SLC35F1: variants seen among roughly 807,000 people sequenced by gnomAD.
SLC35F1 encodes chromosome 6 open reading frame 169.
In SLC35F1, 14 loss-of-function variants were observed where a neutral mutation model predicts 48.7. The observed-to-expected ratio is 0.29, with a 90% CI of 0.19 to 0.45. SLC35F1 has a LOEUF of 0.45. Among genes scored for constraint, SLC35F1 ranks in the 20% least tolerant of loss-of-function variants. The pLI is 1.00. For synonymous variants in SLC35F1, 190 were observed against 202.2 expected (o/e 0.94, Z 0.51); for missense variants, 404 against 500.0 (o/e 0.81, Z 1.83).
chr6:118,168,073 G>C (rs189761886), intron 2 of SLC35F1, among the ~76,000 whole-genome samples: 1 of 152,076 alleles, frequency 6.6e-6, no homozygotes, highest in Non-Finnish European at 1.5e-5. Flanking sequence ...GGGATTTTGC[G>C]CAAAGGGACC....
rs1776536310 is a variant in SLC35F1, at chr6:117,964,546, T to C, written c.173+56647T>C. Among the ~76,000 whole-genome samples the C allele has an allele frequency of 2.6e-5, 4 of 152,338 alleles. No individual in the cohort carries two copies. The South Asian group carries it at 8.3e-4, about 32-fold the overall frequency. ...GAGAGGGTGATGTTTCATCATGTAA[T>C]TGAGTGAGGCCTAGGCCTCTCCTTT... On this transcript the variant is annotated intron_variant, in intron 1 of 7. Coordinates refer to ENST00000360388, the MANE Select transcript of SLC35F1 (RefSeq NM_001029858.4).
At chr6:118,046,504 C>T (rs887729161) in intron 1 of SLC35F1, among the ~76,000 whole-genome samples, 2 of 152,056 alleles carry the variant, frequency 1.3e-5, no homozygotes, top group African/African-American at 4.8e-5. Context: ...AATTGAACAG[C>T]TTTCGTTTGA....
rs140521935 is a variant in SLC35F1 at position 117,950,254 on chromosome 6, G to C, written c.173+42355G>C. 3.3e-5 allele frequency among the ~76,000 whole-genome samples: 5 copies of C among 152,282 alleles called. No homozygotes were observed. The East Asian group carries it at 7.7e-4, about 24-fold the overall frequency. On this transcript the variant is annotated intron_variant, in intron 1 of 7. Coordinates refer to ENST00000360388, the MANE Select transcript of SLC35F1 (RefSeq NM_001029858.4). ...TTGGGGGCCCATACATCTAGCAAGG[G>C]CATGCCTGAAATGGCATTTATTGTA...
At chr6:117,932,565 A>T (rs1426431846) in intron 1 of SLC35F1, among the ~76,000 whole-genome samples, 2 of 152,218 alleles carry the variant, frequency 1.3e-5, no homozygotes, top group African/African-American at 2.4e-5. Context: ...GAAAAATGTT[A>T]GATAAACCAA....
In SLC35F1 at chr6:118,017,232, G is replaced by T. The variant is rs1227327778; in HGVS notation, c.173+109333G>T. On this transcript the variant is annotated intron_variant, in intron 1 of 7. Coordinates refer to ENST00000360388, the MANE Select transcript of SLC35F1 (RefSeq NM_001029858.4). The stretch of plus-strand genomic sequence containing the variant: ...TAGGACTAATCCCTGGGGACTTCCC[G>T]ATCCTAGAGTAAACCTGCAAGCGGG... Among the ~76,000 whole-genome samples the T allele has an allele frequency of 4.6e-5, 7 of 152,294 alleles. No homozygotes were observed. The South Asian group carries it at 1.2e-3, about 27-fold the overall frequency.
intron 1 of SLC35F1, among the ~76,000 whole-genome samples, chr6:118,116,756 GA>G (rs1014833827): frequency 2.6e-5 from 4 of 152,200 alleles, no homozygotes; most frequent in African/African-American, 9.6e-5. Flanking sequence ...AGCAGTCTAT[GA>G]CCACTAGCTC....
intron 1 of SLC35F1, among the ~76,000 whole-genome samples, chr6:117,925,985 G>A (rs1776021992): frequency 6.6e-6 from 1 of 152,102 alleles, no homozygotes; most frequent in Non-Finnish European, 1.5e-5. Flanking sequence ...GGCTGGGGCT[G>A]GCATTGGGTA....
chr6:118,286,363 T>G (rs1582770622), intron 7 of SLC35F1, among the ~76,000 whole-genome samples: 1 of 152,208 alleles, frequency 6.6e-6, no homozygotes, highest in East Asian at 1.9e-4. Flanking sequence ...GGTGTAGACG[T>G]TCCTGGAGCA....
chr6:118,233,198 C>T (rs544299377), intron 2 of SLC35F1, among the ~76,000 whole-genome samples: 1 of 152,344 alleles, frequency 6.6e-6, no homozygotes, highest in South Asian at 2.1e-4. Context: ...ATCTCTTGAC[C>T]TCGTGATCTG....
intron 2 of SLC35F1, among the ~76,000 whole-genome samples, chr6:118,216,084 T>G (rs2883846): frequency 0.89 from 129,251 of 144,846 alleles, 57,404 homozygotes; most frequent in East Asian, 0.97. Flanking sequence ...TTTTTGTTTT[T>G]TGTTTTTTTT....
intron 3 of SLC35F1, among the ~76,000 whole-genome samples, chr6:118,261,596 GT>G (rs1775713257): frequency 6.6e-6 from 1 of 152,128 alleles, no homozygotes; most frequent in South Asian, 2.1e-4. Flanking sequence ...CTCAATAAAT[GT>G]CAGCTGAATG....
chr6:118,268,584 G>GTGTATA (rs1554242737), intron 4 of SLC35F1, among the ~76,000 whole-genome samples: 4 of 67,274 alleles, frequency 5.9e-5, no homozygotes, highest in African/African-American at 1.2e-4. Flanking sequence ...TCATATATAT[G>GTGTATA]TATATATATA....
At chr6:118,256,850 G>A (rs1258203316) in intron 3 of SLC35F1, among the ~76,000 whole-genome samples, 1 of 152,158 alleles carries the variant, frequency 6.6e-6, no homozygotes, top group Non-Finnish European at 1.5e-5. Flanking sequence ...ATGCTCGAGA[G>A]AGGAAATTTG....
intron 1 of SLC35F1, among the ~76,000 whole-genome samples, chr6:117,965,198 A>G (rs1223350943): frequency 1.3e-5 from 2 of 152,176 alleles, no homozygotes; most frequent in Non-Finnish European, 2.9e-5. Context: ...ACCCATAAAC[A>G]TCAGTTATAT....
Position 118,301,246 on chromosome 6 carries a change from AG to A in SLC35F1, c.1003-12780del, listed in dbSNP as rs1489245038. Reference sequence around the variant, plus strand: ...ATTGAAGTTTAATCTTCCACTTTCTAGGCTGAACATTATCTAGAAATTTTCA... The same window carrying A: ...ATTGAAGTTTAATCTTCCACTTTCTAGCTGAACATTATCTAGAAATTTTCA... On this transcript the variant is annotated intron_variant, in intron 7 of 7. Transcript: ENST00000360388. Among the ~76,000 whole-genome samples the A allele has an allele frequency of 2.6e-5, 4 of 152,294 alleles. No individual in the cohort carries two copies. In the South Asian group the frequency reaches 8.3e-4, roughly 32 times the overall value.
At chr6:118,153,072 C>T (rs985378679) in intron 1 of SLC35F1, among the ~76,000 whole-genome samples, 7 of 152,138 alleles carry the variant, frequency 4.6e-5, no homozygotes, top group Admixed American at 3.9e-4. Context: ...ATGGAATGAA[C>T]AAAATATAGC....
intron 1 of SLC35F1, among the ~76,000 whole-genome samples, chr6:118,004,992 G>T (rs561374352): frequency 6.6e-6 from 1 of 152,190 alleles, no homozygotes; most frequent in East Asian, 1.9e-4. Flanking sequence ...CATGGTGGAT[G>T]TCATGACAGA....
chr6:118,203,824 TG>T (rs1487479176), intron 2 of SLC35F1, among the ~76,000 whole-genome samples: 1 of 152,244 alleles, frequency 6.6e-6, no homozygotes, highest in Non-Finnish European at 1.5e-5. Context: ...GAGCCATTCA[TG>T]GCTTCATTCA....
intron 2 of SLC35F1, among the ~76,000 whole-genome samples, chr6:118,189,917 G>T (rs1188562943): frequency 1.3e-5 from 2 of 152,196 alleles, no homozygotes; most frequent in African/African-American, 2.4e-5. Context: ...GTGTATGAGT[G>T]GTTGAAGTAT....
Sources: allele counts gnomAD v4.1 joint callset (sites outside exome capture counted in the v4.1 genomes callset), GRCh38; gene constraint gnomAD v4.1.1; transcripts MANE v1.5; gene names NCBI Gene and HGNC (gene_info 2026-07-23, HGNC 2026-07-21).